The following ACSF3 variants were observed in gnomAD, a reference collection of about 807,000 sequenced individuals.
ACSF3 encodes malonate--CoA ligase ACSF3, mitochondrial.
Under a neutral mutation model 53.2 loss-of-function variants are expected in ACSF3, and 78 were observed. That is an observed-to-expected ratio of 1.47 (90% CI 1.22 to 1.77). The LOEUF is 1.77. ACSF3 is among the 40% of genes most tolerant of loss of function. The probability of loss-of-function intolerance (pLI) is 0.00; values close to 1 mark genes in which losing one functional copy is unlikely to be tolerated. For synonymous variants in ACSF3, 414 were observed against 333.1 expected, an observed-to-expected ratio of 1.24 and a Z score of -2.65; for missense variants, 937 against 771.1, an observed-to-expected ratio of 1.22 and a Z score of -2.55.
intron 7 of ACSF3, among the ~76,000 whole-genome samples, chr16:89,128,278 G>A (rs1210366311): frequency 7.5e-6 from 1 of 132,702 alleles, no homozygotes; most frequent in African/African-American, 2.9e-5. Flanking sequence ...TTTTTTTTTT[G>A]AGACGGAGTT....
At chr16:89,106,819 G>A (rs1177766589) in intron 4 of ACSF3, among the ~76,000 whole-genome samples, 8 of 152,192 alleles carry the variant, frequency 5.3e-5, no homozygotes, top group Admixed American at 1.3e-4. Context: ...GATCTCAGAC[G>A]CGGTGTCTTC....
At chr16:89,111,983 C>A in intron 4 of ACSF3, 109 bp from the exon 5 acceptor site, 2 of 514,354 alleles carry the variant, frequency 3.9e-6, no homozygotes, top group South Asian at 5.1e-5. Flanking sequence ...GGAGGCGCTG[C>A]AGACTCTTGA....
rs138230777 is a variant in ACSF3 at position 89,127,036 on chromosome 16, T to C, written c.1240-6100T>C. The stretch of plus-strand genomic sequence containing the variant: ...TAGGCTGTTAATATGGTAGATTACA[T>C]TGAACCAAGCTTTCATTCCCAGGAC... On this transcript the variant is annotated intron_variant, in intron 7 of 10. Transcript: ENST00000614302. Among the ~76,000 whole-genome samples the C allele has an allele frequency of 3.6e-3, 552 of 152,326 alleles. 3 individuals are homozygous for C. Among genetic ancestry groups the C allele is most frequent in the African/African-American group, 0.011 (463 of 41,578 alleles).
chr16:89,123,396 T>C (rs1389262788), intron 7 of ACSF3, among the ~76,000 whole-genome samples: 1 of 152,160 alleles, frequency 6.6e-6, no homozygotes, highest in Non-Finnish European at 1.5e-5. Context: ...ACTTGGTACT[T>C]TCATCTGAGT....
intron 10 of ACSF3, among the ~76,000 whole-genome samples, chr16:89,146,611 C>T (rs1030663916): frequency 6.6e-6 from 1 of 152,194 alleles, no homozygotes; most frequent in Admixed American, 6.5e-5. Context: ...CCACGGAGAC[C>T]CCAGCACCAT....
intron 5 of ACSF3, 21 bp from the exon 6 acceptor site, chr16:89,114,318 G>T (rs1276217016): frequency 6.2e-7 from 1 of 1,613,750 alleles, no homozygotes; most frequent in Non-Finnish European, 8.5e-7. Context: ...GGCTAAACCT[G>T]CCTTTGGTTG....
At chr16:89,119,928 G>A (rs145844617) in intron 6 of ACSF3, among the ~76,000 whole-genome samples, 104 of 152,364 alleles carry the variant, frequency 6.8e-4, no homozygotes, top group African/African-American at 2.3e-3. Flanking sequence ...CATGATAAGC[G>A]TTCAGGCACT....
Position 89,100,667 on chromosome 16 carries a change from C to CCCCAGGAGGCTCCCCGGAG in ACSF3, c.-14_-13insCCAGGAGGCTCCCCGGAGC. ...TGTGCCTTGCCTTTCTCCAGCTCGG[C>CCCCAGGAGGCTCCCCGGAG]CGCCTGTCAGTGCAATGCTGCCCCA... On this transcript the variant is annotated 5_prime_UTR_variant, in exon 3 of 11. Coordinates refer to ENST00000614302, the MANE Select transcript of ACSF3 (RefSeq NM_001243279.3). 4 of 1,588,690 alleles carry CCCCAGGAGGCTCCCCGGAG rather than the reference C, an allele frequency of 2.5e-6. No individual in the cohort carries two copies. The highest frequency in any genetic ancestry group is 2.2e-5 in the East Asian group (1 of 44,552).
chr16:89,126,332 G>T (rs1002944091), intron 7 of ACSF3, among the ~76,000 whole-genome samples: 2 of 152,076 alleles, frequency 1.3e-5, no homozygotes, highest in Non-Finnish European at 2.9e-5. Flanking sequence ...GTAGTGGTAC[G>T]ATCTCAGCTC....
At chr16:89,138,353 C>T (rs1911046622) in intron 8 of ACSF3, among the ~76,000 whole-genome samples, 1 of 152,222 alleles carries the variant, frequency 6.6e-6, no homozygotes, top group Non-Finnish European at 1.5e-5. Flanking sequence ...GACCAAAACC[C>T]TCCTGGCCAT....
At chr16:89,109,087 C>A (rs1976361763) in intron 4 of ACSF3, among the ~76,000 whole-genome samples, 1 of 151,926 alleles carries the variant, frequency 6.6e-6, no homozygotes, top group African/African-American at 2.4e-5. Context: ...ACAAAATTAG[C>A]CAGGCACCGT....
chr16:89,095,549 C>T (rs950926201), intron 1 of ACSF3, among the ~76,000 whole-genome samples: 6 of 126,460 alleles, frequency 4.7e-5, no homozygotes, highest in African/African-American at 1.2e-4. Context: ...ACGCTCTCAT[C>T]GGGGCAGCCG....
At chr16:89,102,549 C>T in intron 3 of ACSF3, 55 bp from the exon 4 acceptor site, 1 of 1,602,940 alleles carries the variant, frequency 6.2e-7, no homozygotes, top group South Asian at 1.1e-5. Context: ...TCTGTGTGTG[C>T]TGTTGCGGGC....
At chr16:89,118,179 C>G (rs532591862) in intron 6 of ACSF3, among the ~76,000 whole-genome samples, 57 of 114,624 alleles carry the variant, frequency 5.0e-4, no homozygotes, top group South Asian at 3.9e-3. Flanking sequence ...CAGGTTCCCT[C>G]GGGCGCCAGG....
chr16:89,098,643 A>G lies in ACSF3; in HGVS notation c.-141A>G. 2.2e-6 allele frequency: 1 copy of G among 454,134 alleles called. No individual in the cohort carries two copies. Among genetic ancestry groups the G allele is most frequent in the Non-Finnish European group, 4.4e-6 (1 of 226,786 alleles). 28.1% of individuals were successfully genotyped at this position (454,134 alleles called of 1,614,324 possible). The stretch of plus-strand genomic sequence containing the variant: ...CGCCAGGCCTGGTGCCTGCCCCAGG[A>G]GGATGAGCATTTGCATTGCCTGCAC... On this transcript the variant is annotated 5_prime_UTR_variant, in exon 2 of 11. Transcript: ENST00000614302.
intron 8 of ACSF3, chr16:89,136,454 G>C (rs1455785247): frequency 9.5e-6 from 11 of 1,156,086 alleles, no homozygotes; most frequent in Non-Finnish European, 1.2e-5. Context: ...TGCATAATGA[G>C]AGCCTGCAAT....
At chr16:89,116,029 A>C (rs1474220550) in intron 6 of ACSF3, among the ~76,000 whole-genome samples, 1 of 152,180 alleles carries the variant, frequency 6.6e-6, no homozygotes, top group East Asian at 1.9e-4. Flanking sequence ...GTCTGATGTC[A>C]TATCTAATAA....
chr16:89,100,903 C>T lies in ACSF3; in HGVS notation c.222C>T (p.Arg74=). The T allele has an allele frequency of 1.2e-6, 2 of 1,613,918 alleles. No homozygotes were observed. Among genetic ancestry groups the T allele is most frequent in the Non-Finnish European group, 1.7e-6 (2 of 1,180,042 alleles). The part of the protein sequence containing the change: ...GRHTYRELYS[R]SLRLSQEICR... ...ACACGTACAGGGAGCTTTATTCCCG[C>T]AGCCTTCGCCTGTCCCAGGAGATCT... is the stretch of plus-strand genomic sequence containing the variant. Residue 74 remains arginine (R), a synonymous_variant, in exon 3 of 11, where the codon CGC becomes CGT. Coordinates refer to ENST00000614302, the MANE Select transcript of ACSF3 (RefSeq NM_001243279.3).
In ACSF3 at chr16:89,100,923, A is replaced by C. The variant is rs1322236686; in HGVS notation, c.242A>C (p.Glu81Ala). 2 of 1,613,762 alleles carry C rather than the reference A, an allele frequency of 1.2e-6. No individual in the cohort carries two copies. The highest frequency in any genetic ancestry group is 1.7e-6 in the Non-Finnish European group (2 of 1,180,050). Reference protein sequence around the residue: ...LYSRSLRLSQEICRLCGCVGG... With the variant: ...LYSRSLRLSQAICRLCGCVGG... ...TCCCGCAGCCTTCGCCTGTCCCAGG[A>C]GATCTGCAGGCTCTGCGGGTGTGTC... The change falls in exon 3 of 11, where the codon GAG becomes GCG. Residue 81 changes from glutamate (E) to alanine (A), a missense_variant. Physicochemically the swap from Glu to Ala is moderately radical, Grantham distance 107. Coordinates refer to ENST00000614302, the MANE Select transcript of ACSF3 (RefSeq NM_001243279.3).
Sources: allele counts gnomAD v4.1 joint callset (sites outside exome capture counted in the v4.1 genomes callset), GRCh38; gene constraint gnomAD v4.1.1; transcripts MANE v1.5; gene names NCBI Gene and HGNC (gene_info 2026-07-23, HGNC 2026-07-21).